The following ZC3H12C variants were observed in gnomAD, a reference collection of about 807,000 sequenced individuals.
The protein encoded by ZC3H12C is zinc finger CCCH-type containing 12C, also known as probable ribonuclease ZC3H12C.
Under a neutral mutation model 76.3 loss-of-function variants are expected in ZC3H12C, and 20 were observed. That is an observed-to-expected ratio of 0.26 (90% CI 0.18 to 0.38). The LOEUF is 0.38. Ranked by LOEUF, ZC3H12C falls within the 10% of genes least tolerant of loss-of-function variation. ZC3H12C has a pLI of 1.00. For synonymous variants in ZC3H12C, 352 were observed against 399.6 expected (o/e 0.88, Z 1.42); for missense variants, 874 against 1,086.5 (o/e 0.80, Z 2.75).
chr11:110,127,690 A>T (rs587802), intron 1 of ZC3H12C, among the ~76,000 whole-genome samples: 106,978 of 151,100 alleles, frequency 0.71, 38,149 homozygotes, highest in East Asian at 0.89. Context: ...AGGCCAGGAG[A>T]TTGAGACCAG....
intron 1 of ZC3H12C, among the ~76,000 whole-genome samples, chr11:110,115,654 T>C (rs1457545466): frequency 6.6e-6 from 1 of 151,926 alleles, no homozygotes; most frequent in Non-Finnish European, 1.5e-5. Flanking sequence ...AGGCTGGTCT[T>C]GAACTTCTGG....
At chr11:110,117,380 CTA>C (rs1861544931) in intron 1 of ZC3H12C, among the ~76,000 whole-genome samples, 3 of 151,986 alleles carry the variant, frequency 2.0e-5, no homozygotes, top group African/African-American at 7.2e-5. Flanking sequence ...AATTTTTTCT[CTA>C]AATCTTTTAT....
chr11:110,137,208 T>C lies in ZC3H12C; in HGVS notation c.567T>C (p.Asp189=). The change falls in exon 2 of 6, where the codon GAT becomes GAC. Residue 189 remains aspartate, a synonymous_variant. Coordinates refer to ENST00000278590, the MANE Select transcript of ZC3H12C (RefSeq NM_033390.2). The part of the protein sequence containing the change: ...VQLVLNKLGT[D]ALINDILGEL... The stretch of plus-strand genomic sequence containing the variant: ...TTGTACTAAACAAACTTGGTACTGA[T>C]GCTTTAATCAATGATATTTTGGGAG... The C allele has an allele frequency of 6.2e-7, 1 of 1,613,956 alleles. No homozygotes were observed.
chr11:110,097,027 A>G (rs747681940), intron 1 of ZC3H12C, among the ~76,000 whole-genome samples: 7 of 152,260 alleles, frequency 4.6e-5, no homozygotes, highest in Non-Finnish European at 7.3e-5. Flanking sequence ...TAGAAATGTA[A>G]TGTGCTTACT....
At position 110,137,080 on chromosome 11, in the gene ZC3H12C, A is replaced by G. The variant is rs1163698712; in HGVS notation, c.439A>G (p.Thr147Ala). 2 of 1,613,914 alleles carry G rather than the reference A, an allele frequency of 1.2e-6. No individual in the cohort carries two copies. Among genetic ancestry groups the G allele is most frequent in the Admixed American group, 1.7e-5 (1 of 59,988 alleles). Residue 147 changes from threonine to alanine, a missense_variant, in exon 2 of 6, where the codon ACT becomes GCT. Thr to Ala is a moderately conservative substitution (Grantham distance 58). Around this residue, in one of 3 missense-constraint regions of ZC3H12C, gnomAD observed 210 missense variants for 227.1 expected, o/e 0.92. Transcript: ENST00000278590. ...LQDFKPEESQ[T>A]TSKEAKKPPD... ...AGACTTTAAACCTGAAGAGTCCCAG[A>G]CTACATCCAAGGAAGCAAAGAAACC...
At position 110,137,366 on chromosome 11, in the gene ZC3H12C, G is replaced by A. The variant is rs202179524; in HGVS notation, c.725G>A (p.Gly242Asp). 2.4e-5 allele frequency: 39 copies of A among 1,613,044 alleles called. No individual in the cohort carries two copies. The highest frequency in any genetic ancestry group is 3.2e-5 in the Non-Finnish European group (38 of 1,179,706). The part of the protein sequence containing the change: ...SPMQEIVTDD[G>D]ENLRPIVIDG... ...ATGCAAGAGATTGTAACAGATGATG[G>A]TGAAAATCTGAGACCAATAGTTATT... The change falls in exon 2 of 6, where the codon GGT becomes GAT. Residue 242 changes from glycine (G) to aspartate (D), a missense_variant. Physicochemically the swap from Gly to Asp is moderately conservative, Grantham distance 94. This residue lies in a region of ZC3H12C where 269 missense variants were observed against 424.9 expected (regional missense o/e 0.63). Transcript: ENST00000278590.
rs544367877 is a variant in ZC3H12C at position 110,171,646 on chromosome 11, G to A, written c.*5909G>A. On this transcript the variant is annotated 3_prime_UTR_variant, in exon 6 of 6. Transcript: ENST00000278590. ...TTATGCTGGTTTGTTTTTCTTTAAT[G>A]AAGAAATTGATCTCATATGGCATCA... is the stretch of plus-strand genomic sequence containing the variant. The A allele has an allele frequency of 6.6e-6, 1 of 152,142 alleles. No homozygotes were observed. Among genetic ancestry groups the A allele is most frequent in the African/African-American group, 2.4e-5 (1 of 41,508 alleles). 9.4% of individuals were successfully genotyped at this position (152,142 alleles called of 1,614,324 possible).
chr11:110,093,654 G>T (rs762352908), intron 1 of ZC3H12C, among the ~76,000 whole-genome samples: 1 of 151,930 alleles, frequency 6.6e-6, no homozygotes, highest in Non-Finnish European at 1.5e-5. Context: ...AAAGCCCAGC[G>T]CATCCTCCCC....
At chr11:110,131,231 C>A in intron 1 of ZC3H12C, 1 of 756,258 alleles carries the variant, frequency 1.3e-6, no homozygotes, top group Non-Finnish European at 2.2e-6. Context: ...ATAGTGCCAA[C>A]ATACCAGAAA....
At chr11:110,142,239 A>G (rs1322241097) in intron 2 of ZC3H12C, among the ~76,000 whole-genome samples, 2 of 152,194 alleles carry the variant, frequency 1.3e-5, no homozygotes, top group Non-Finnish European at 2.9e-5. Flanking sequence ...ACATAATTCT[A>G]GTTGTCATCA....
chr11:110,158,541 T>C (rs1443642615), intron 3 of ZC3H12C, among the ~76,000 whole-genome samples: 1 of 150,268 alleles, frequency 6.7e-6, no homozygotes, highest in African/African-American at 2.4e-5. Flanking sequence ...ACAGACAAAA[T>C]GAGCATATCT....
chr11:110,125,452 C>T (rs1480746961), intron 1 of ZC3H12C, among the ~76,000 whole-genome samples: 1 of 152,092 alleles, frequency 6.6e-6, no homozygotes, highest in African/African-American at 2.4e-5. Context: ...TCCCGAATAA[C>T]TGGAATTACA....
chr11:110,105,642 TC>T (rs1431363273), intron 1 of ZC3H12C, among the ~76,000 whole-genome samples: 1 of 152,194 alleles, frequency 6.6e-6, no homozygotes. Flanking sequence ...AATTTATAAT[TC>T]TTTTTTTCAT....
At position 110,131,472 on chromosome 11, in the gene ZC3H12C, C is replaced by T. The variant is rs925830234; in HGVS notation, c.22-5191C>T. ...CTTAAGTTTCTTAAGATGTCACTGT[C>T]GTACCCAGGTGCTATAAAATGATAA... On this transcript the variant is annotated intron_variant, in intron 1 of 5. Transcript: ENST00000278590. 13 of 232,602 alleles carry T rather than the reference C, an allele frequency of 5.6e-5. No homozygotes were observed. The East Asian group carries it at 7.1e-4, about 13-fold the overall frequency. 14.4% of individuals were successfully genotyped at this position (232,602 alleles called of 1,614,324 possible). A position where few individuals can be genotyped will look rare whatever the true frequency, so the allele number is the denominator to read the frequency against.
chr11:110,099,649 C>T (rs1408179519), intron 1 of ZC3H12C, among the ~76,000 whole-genome samples: 1 of 151,806 alleles, frequency 6.6e-6, no homozygotes, highest in Non-Finnish European at 1.5e-5. Flanking sequence ...AAAAACATTT[C>T]ACAATTACAA....
intron 1 of ZC3H12C, among the ~76,000 whole-genome samples, chr11:110,110,937 A>T (rs1171219793): frequency 6.6e-6 from 1 of 152,234 alleles, no homozygotes; most frequent in Non-Finnish European, 1.5e-5. Context: ...GCTTATAAGA[A>T]AAAACTTCAC....
chr11:110,159,560 CA>C (rs2134197566), intron 4 of ZC3H12C, 70 bp downstream of exon 4: 2 of 1,319,776 alleles, frequency 1.5e-6, no homozygotes, highest in South Asian at 2.7e-5. Context: ...GCAGCTGCTA[CA>C]GAATTCTCTT....
Position 110,154,047 on chromosome 11 carries a change from C to T in ZC3H12C, c.913+989C>T, listed in dbSNP as rs146112350. 3.3e-5 allele frequency among the ~76,000 whole-genome samples: 5 copies of T among 152,172 alleles called. 1 individual carries two copies. The highest frequency in any genetic ancestry group is 1.2e-4 in the African/African-American group (5 of 41,524). The stretch of plus-strand genomic sequence containing the variant: ...TTAAATCAAAAACAAATAAAGAGAC[C>T]ATCTACTATATACCCAAAGGGGATG... On this transcript the variant is annotated intron_variant, in intron 3 of 5. Transcript: ENST00000278590.
chr11:110,128,526 G>GT (rs1297921940), intron 1 of ZC3H12C, among the ~76,000 whole-genome samples: 3 of 152,052 alleles, frequency 2.0e-5, no homozygotes, highest in Non-Finnish European at 1.5e-5. Context: ...CTGTAAAGTA[G>GT]TAACTGTAGT....
Sources: gnomAD v4.1 joint callset for allele counts (sites outside exome capture counted in the v4.1 genomes callset) on GRCh38, gnomAD v4.1.1 for gene constraint, gnomAD v4.1.1 regional missense constraint, MANE v1.5 for transcripts, NCBI Gene and HGNC (gene_info 2026-07-23, HGNC 2026-07-21) for gene names.